ROBO1: variants seen among roughly 807,000 people sequenced by gnomAD.
The protein encoded by ROBO1 is roundabout homolog 1.
ROBO1 carries 149 observed loss-of-function variants against 195.9 expected under a neutral mutation model. The observed-to-expected ratio is 0.76, with a 90% CI of 0.67 to 0.87. ROBO1 has a LOEUF of 0.87. Among genes scored for constraint, ROBO1 ranks in the 40% least tolerant of loss-of-function variants. The probability of loss-of-function intolerance (pLI) is 0.00; values close to 1 mark genes in which losing one functional copy is unlikely to be tolerated. For missense variants in ROBO1, 1,933 were observed against 2,068.3 expected (o/e 0.93, Z 1.27); for synonymous variants, 816 against 733.2 (o/e 1.11, Z -1.82).
At chr3:79,389,398 C>T (rs1318793273) in intron 2 of ROBO1, among the ~76,000 whole-genome samples, 1 of 151,972 alleles carries the variant, frequency 6.6e-6, no homozygotes, top group East Asian at 1.9e-4. Flanking sequence ...GTGTGCGTTG[C>T]AGGGTAGCAC....
intron 3 of ROBO1, among the ~76,000 whole-genome samples, chr3:78,950,428 G>A (rs148979947): frequency 5.5e-5 from 8 of 146,282 alleles, no homozygotes; most frequent in East Asian, 2.1e-4. Flanking sequence ...ACCAAACACC[G>A]CATGTTCTCA....
At position 79,048,911 on chromosome 3, in the gene ROBO1, C is replaced by T. The variant is rs760923463; in HGVS notation, c.172+76545G>A. ...TCTGTAGGTCACCAACATCAAAGAC[C>T]AAAGGTAGATAAAACCACAAAGATG... On this transcript the variant is annotated intron_variant, in intron 3 of 30. Transcript: ENST00000464233. Among the ~76,000 whole-genome samples, 220 of 152,178 alleles carry T rather than the reference C, an allele frequency of 1.4e-3. 2 individuals are homozygous for T. The highest frequency in any genetic ancestry group is 2.1e-3 in the Non-Finnish European group (146 of 68,008).
intron 29 of ROBO1, among the ~76,000 whole-genome samples, chr3:78,603,006 T>C (rs1703263314): frequency 6.6e-6 from 1 of 152,210 alleles, no homozygotes; most frequent in Non-Finnish European, 1.5e-5. Context: ...AGTTTGATTT[T>C]GACTCTAAAA....
intron 1 of ROBO1, among the ~76,000 whole-genome samples, chr3:79,644,901 C>T (rs2106698643): frequency 6.6e-6 from 1 of 151,384 alleles, no homozygotes; most frequent in African/African-American, 2.4e-5. Context: ...AAATCAACAA[C>T]AAGAGGATTA....
intron 2 of ROBO1, among the ~76,000 whole-genome samples, chr3:79,140,851 C>T (rs1041733549): frequency 6.6e-6 from 1 of 151,986 alleles, no homozygotes; most frequent in African/African-American, 2.4e-5. Context: ...CTCGTTTACA[C>T]GGAATACCCC....
In ROBO1 at chr3:78,680,959, T is replaced by A. The variant is rs1234584191; in HGVS notation, c.1342+4787A>T. 2.7e-5 allele frequency among the ~76,000 whole-genome samples: 4 copies of A among 150,872 alleles called. No individual in the cohort carries two copies. In the East Asian group the frequency reaches 7.8e-4, roughly 29 times the overall value. ...AAATGTCCAACAATGATAGACTGGA[T>A]TAAGAAAATGTGGCACATACACACC... On this transcript the variant is annotated intron_variant, in intron 10 of 30. Coordinates refer to ENST00000464233, the MANE Select transcript of ROBO1 (RefSeq NM_002941.4).
chr3:79,636,256 T>C (rs1945492552), intron 1 of ROBO1, among the ~76,000 whole-genome samples: 2 of 152,172 alleles, frequency 1.3e-5, no homozygotes, highest in African/African-American at 4.8e-5. Flanking sequence ...AAATTCATTG[T>C]CTTGTCGAAT....
chr3:79,021,607 T>C (rs2078102311), intron 3 of ROBO1, among the ~76,000 whole-genome samples: 1 of 150,824 alleles, frequency 6.6e-6, no homozygotes, highest in African/African-American at 2.4e-5. Flanking sequence ...ATGTCTCAAC[T>C]TCAGTAAGCA....
chr3:79,360,441 C>A (rs775035219), intron 2 of ROBO1, among the ~76,000 whole-genome samples: 12 of 151,544 alleles, frequency 7.9e-5, no homozygotes, highest in Non-Finnish European at 1.5e-4. Context: ...TTTGTTTTCT[C>A]CACCTTCTTT....
chr3:78,689,369 CATT>C (rs1384114434), intron 8 of ROBO1, among the ~76,000 whole-genome samples: 1 of 152,126 alleles, frequency 6.6e-6, no homozygotes, highest in African/African-American at 2.4e-5. Flanking sequence ...CTCATCCTGA[CATT>C]ATAAATACTG....
chr3:78,838,699 AC>A (rs1439009207), intron 4 of ROBO1, among the ~76,000 whole-genome samples: 4 of 151,366 alleles, frequency 2.6e-5, no homozygotes, highest in Non-Finnish European at 1.5e-5. Context: ...TGAGGGAAGC[AC>A]CCCCGCCCTA....
chr3:78,972,882 ACCTGGAGCTG>A (rs2076799267), intron 3 of ROBO1, among the ~76,000 whole-genome samples: 1 of 152,194 alleles, frequency 6.6e-6, no homozygotes. Flanking sequence ...GGATTTTCCT[ACCTGGAGCTG>A]GCAGGGGAAA....
intron 2 of ROBO1, among the ~76,000 whole-genome samples, chr3:79,473,572 T>G (rs779397297): frequency 1.3e-5 from 2 of 152,128 alleles, no homozygotes; most frequent in Non-Finnish European, 2.9e-5. Flanking sequence ...AGATCCAAAA[T>G]GAATCATTTT....
At chr3:79,276,341 T>C (rs1399660695) in intron 2 of ROBO1, among the ~76,000 whole-genome samples, 1 of 151,866 alleles carries the variant, frequency 6.6e-6, no homozygotes, top group Non-Finnish European at 1.5e-5. Context: ...AACTCATTTT[T>C]GACAAACCAA....
At chr3:79,634,929 G>A (rs1945453516) in intron 1 of ROBO1, among the ~76,000 whole-genome samples, 1 of 152,088 alleles carries the variant, frequency 6.6e-6, no homozygotes, top group East Asian at 1.9e-4. Context: ...AAAATAATGA[G>A]TTAATGTTAT....
chr3:78,640,929 T>C (rs987143498), intron 21 of ROBO1, among the ~76,000 whole-genome samples: 1 of 152,204 alleles, frequency 6.6e-6, no homozygotes, highest in Non-Finnish European at 1.5e-5. Flanking sequence ...CCATGGTTCT[T>C]ATTCTAGCAC....
intron 3 of ROBO1, among the ~76,000 whole-genome samples, chr3:79,043,701 C>G (rs891800664): frequency 2.0e-5 from 3 of 152,060 alleles, no homozygotes; most frequent in Non-Finnish European, 1.5e-5. Context: ...AGCTGTCAAA[C>G]TAAGTTGATA....
intron 4 of ROBO1, among the ~76,000 whole-genome samples, chr3:78,816,542 A>C (rs2029936173): frequency 1.3e-5 from 2 of 152,106 alleles, no homozygotes; most frequent in African/African-American, 4.8e-5. Context: ...CCTCCAATGG[A>C]GCTAGGCAAA....
chr3:79,541,557 C>T (rs1176297684), intron 2 of ROBO1, among the ~76,000 whole-genome samples: 2 of 151,970 alleles, frequency 1.3e-5, no homozygotes, highest in East Asian at 1.9e-4. Flanking sequence ...AAATATTCCT[C>T]CCTTCTTAAG....
Sources: allele counts gnomAD v4.1 joint callset (sites outside exome capture counted in the v4.1 genomes callset), GRCh38; gene constraint gnomAD v4.1.1; transcripts MANE v1.5; gene names NCBI Gene and HGNC (gene_info 2026-07-23, HGNC 2026-07-21).